The following DIP2B variants were observed in gnomAD, a reference collection of about 807,000 sequenced individuals.
The protein encoded by DIP2B is DIP2 acetate--CoA ligase B (putative), also known as disco-interacting protein 2 homolog B.
A neutral mutation model predicts 198.0 loss-of-function variants in DIP2B; 76 were observed. The observed-to-expected ratio is 0.38, with a 90% CI of 0.32 to 0.46. The LOEUF is 0.46. Ranked by LOEUF, DIP2B falls within the 20% of genes least tolerant of loss-of-function variation. The pLI is 0.99. For synonymous variants in DIP2B, 701 were observed against 739.1 expected (o/e 0.95, Z 0.84); for missense variants, 1,559 against 1,978.4 (o/e 0.79, Z 4.02).
At chr12:50,690,227 C>A (rs1939200361) in intron 12 of DIP2B, among the ~76,000 whole-genome samples, 1 of 151,870 alleles carries the variant, frequency 6.6e-6, no homozygotes, top group Admixed American at 6.6e-5. Context: ...ACTGGGACTA[C>A]AGGCGCCCGC....
At chr12:50,515,942 C>T (rs1050062339) in intron 1 of DIP2B, among the ~76,000 whole-genome samples, 15 of 151,812 alleles carry the variant, frequency 9.9e-5, no homozygotes, top group African/African-American at 3.4e-4. Flanking sequence ...CCATCCATTT[C>T]TGCTGCTATG....
chr12:50,674,368 C>A (rs934022726), intron 5 of DIP2B, 106 bp from the exon 6 acceptor site: 1 of 1,175,962 alleles, frequency 8.5e-7, no homozygotes, highest in Non-Finnish European at 1.2e-6. Flanking sequence ...GAGCCAGTGC[C>A]CCCATTTATG....
intron 1 of DIP2B, among the ~76,000 whole-genome samples, chr12:50,514,451 A>AGG (rs1958046273): frequency 6.6e-6 from 1 of 152,138 alleles, no homozygotes; most frequent in Non-Finnish European, 1.5e-5. Context: ...ACTCATCTGT[A>AGG]TCAGTTCCAC....
chr12:50,614,984 G>T (rs979477099), intron 1 of DIP2B, among the ~76,000 whole-genome samples: 6 of 152,162 alleles, frequency 3.9e-5, no homozygotes, highest in African/African-American at 1.2e-4. Flanking sequence ...GAGATACTTA[G>T]ATTTTGATCA....
chr12:50,540,053 GTTTTT>G (rs60978324), intron 1 of DIP2B, among the ~76,000 whole-genome samples: 4 of 44,142 alleles, frequency 9.1e-5, no homozygotes, highest in South Asian at 8.6e-4. Context: ...TTGTTTCTGT[GTTTTT>G]TTTTTTTTTT....
chr12:50,529,154 G>C (rs943503290), intron 1 of DIP2B, among the ~76,000 whole-genome samples: 1 of 152,106 alleles, frequency 6.6e-6, no homozygotes, highest in African/African-American at 2.4e-5. Flanking sequence ...GGTGGCATGC[G>C]CCTGTAGTCC....
intron 3 of DIP2B, among the ~76,000 whole-genome samples, chr12:50,643,971 A>G (rs1938305110): frequency 6.6e-6 from 1 of 152,256 alleles, no homozygotes; most frequent in Non-Finnish European, 1.5e-5. Flanking sequence ...AGTGATGGCT[A>G]TGTAAGAAGG....
At chr12:50,543,529 T>A (rs1958345920) in intron 1 of DIP2B, among the ~76,000 whole-genome samples, 1 of 151,908 alleles carries the variant, frequency 6.6e-6, no homozygotes, top group South Asian at 2.1e-4. Flanking sequence ...CCTCAGGTGA[T>A]CCGCCAGCCT....
chr12:50,720,273 A>C (rs1939810768), intron 25 of DIP2B, among the ~76,000 whole-genome samples: 1 of 152,042 alleles, frequency 6.6e-6, no homozygotes, highest in South Asian at 2.1e-4. Context: ...AGTCAGCTGA[A>C]TTTTTGTGTT....
intron 1 of DIP2B, among the ~76,000 whole-genome samples, chr12:50,583,168 A>G (rs143086424): frequency 5.4e-4 from 82 of 152,292 alleles, no homozygotes; most frequent in African/African-American, 1.9e-3. Flanking sequence ...TGAGAGGACT[A>G]TTACATATCT....
Position 50,744,804 on chromosome 12 carries a change from C to G in DIP2B, c.4696C>G (p.Gln1566Glu), listed in dbSNP as rs1419895094. Residue 1566 changes from glutamine to glutamate, a missense_variant, in exon 38 of 38, where the codon CAG becomes GAG. Coordinates refer to ENST00000301180, the MANE Select transcript of DIP2B (RefSeq NM_173602.3). Reference protein sequence around the residue: ...MHLRDSFLADQLDPIYVAYNM With the variant: ...MHLRDSFLADELDPIYVAYNM ...CCTCCGTGATAGCTTCCTAGCTGAC[C>G]AGTTAGACCCCATCTACGTGGCTTA... The G allele has an allele frequency of 3.1e-6, 5 of 1,614,036 alleles. No individual in the cohort carries two copies. The highest frequency in any genetic ancestry group is 1.3e-5 in the African/African-American group (1 of 74,912).
At chr12:50,590,012 C>G (rs1490432302) in intron 1 of DIP2B, among the ~76,000 whole-genome samples, 1 of 152,040 alleles carries the variant, frequency 6.6e-6, no homozygotes, top group Admixed American at 6.6e-5. Context: ...TTCTCTGTCT[C>G]TCTCTGAGAT....
At chr12:50,613,509 G>A (rs1018186514) in intron 1 of DIP2B, among the ~76,000 whole-genome samples, 1 of 152,128 alleles carries the variant, frequency 6.6e-6, no homozygotes, top group Non-Finnish European at 1.5e-5. Context: ...TAGAGAAAAG[G>A]TATCTCTAAA....
At chr12:50,688,344 A>G (rs888298269) in intron 12 of DIP2B, among the ~76,000 whole-genome samples, 5 of 152,158 alleles carry the variant, frequency 3.3e-5, no homozygotes, top group Admixed American at 6.5e-5. Flanking sequence ...AAACAGATCT[A>G]AGTATCTTTA....
chr12:50,675,312 C>G lies in DIP2B; in HGVS notation c.797-17C>G. 2 of 1,605,744 alleles carry G rather than the reference C, an allele frequency of 1.2e-6. No homozygotes were observed. Among genetic ancestry groups the G allele is most frequent in the South Asian group, 1.1e-5 (1 of 89,370 alleles). ...TACAGTCAATGAATTTTAACTTAAC[C>G]ATTTTTTCCCTTATAGGTGTTCCTG... On this transcript the variant is annotated splice_polypyrimidine_tract_variant and intron_variant, in intron 6 of 37. Coordinates refer to ENST00000301180, the MANE Select transcript of DIP2B (RefSeq NM_173602.3).
intron 24 of DIP2B, 56 bp from the exon 25 acceptor site, chr12:50,718,899 A>T: frequency 6.2e-7 from 1 of 1,612,570 alleles, no homozygotes; most frequent in Non-Finnish European, 8.5e-7. Flanking sequence ...GGGATGCATT[A>T]TATGACTTGT....
chr12:50,577,539 T>TA (rs902481774), intron 1 of DIP2B, among the ~76,000 whole-genome samples: 3 of 148,808 alleles, frequency 2.0e-5, no homozygotes, highest in East Asian at 2.0e-4. Flanking sequence ...GTCTAAAAAA[T>TA]AAAAAAAATA....
chr12:50,622,326 A>G (rs947663860), intron 1 of DIP2B, among the ~76,000 whole-genome samples: 10 of 152,234 alleles, frequency 6.6e-5, no homozygotes, highest in Non-Finnish European at 5.9e-5. Context: ...TTTAACAAAA[A>G]TTCAGTTTCT....
At chr12:50,677,593 C>T (rs1938969403) in intron 7 of DIP2B, among the ~76,000 whole-genome samples, 1 of 152,080 alleles carries the variant, frequency 6.6e-6, no homozygotes, top group South Asian at 2.1e-4. Context: ...CCAGCCTGGG[C>T]AACAGAGCAA....
Sources: gnomAD v4.1 joint callset for allele counts (sites outside exome capture counted in the v4.1 genomes callset) on GRCh38, gnomAD v4.1.1 for gene constraint, MANE v1.5 for transcripts, NCBI Gene and HGNC (gene_info 2026-07-23, HGNC 2026-07-21) for gene names.